The following CPSF7 variants were observed in gnomAD, a reference collection of about 807,000 sequenced individuals.
CPSF7 encodes cleavage and polyadenylation specific factor 7, also known as cleavage and polyadenylation specificity factor subunit 7.
CPSF7 carries 1 observed loss-of-function variant against 44.3 expected under a neutral mutation model. The observed-to-expected ratio is 0.02, with a 90% CI of 0.01 to 0.11. CPSF7 has a LOEUF of 0.11. Ranked by LOEUF, CPSF7 falls within the 10% of genes least tolerant of loss-of-function variation. The probability of loss-of-function intolerance (pLI) is 1.00; values close to 1 mark genes in which losing one functional copy is unlikely to be tolerated. For missense variants in CPSF7, 443 were observed against 607.2 expected (o/e 0.73, Z 2.84); for synonymous variants, 202 against 222.0 (o/e 0.91, Z 0.80).
At chr11:61,417,248 C>T (rs922440510) in intron 5 of CPSF7, among the ~76,000 whole-genome samples, 12 of 152,200 alleles carry the variant, frequency 7.9e-5, no homozygotes, top group African/African-American at 2.4e-4. Flanking sequence ...CTGGGGAACT[C>T]CCGCTACATT....
In CPSF7 at chr11:61,421,605, G is replaced by C; in HGVS notation, c.58C>G (p.Pro20Ala). ...ATCTGATCTGTATTGTTGAACTCTG[G>C]GTCCTAAGAGATGAGGGGTTGGCAA... Reference protein sequence around the residue: ...IYADEEFNQDPEFNNTDQIDL... With the variant: ...IYADEEFNQDAEFNNTDQIDL... Residue 20 changes from proline (P) to alanine (A), a missense_variant, in exon 3 of 10, where the codon CCA becomes GCA. Physicochemically the swap from Pro to Ala is conservative, Grantham distance 27 (BLOSUM62 -1). Coordinates refer to ENST00000439958, the MANE Select transcript of CPSF7 (RefSeq NM_001142565.3). The C allele has an allele frequency of 1.9e-6, 3 of 1,610,178 alleles. No homozygotes were observed. The highest frequency in any genetic ancestry group is 1.7e-6 in the Non-Finnish European group (2 of 1,177,384).
chr11:61,420,545 A>G lies in CPSF7; in HGVS notation c.302T>C (p.Val101Ala), dbSNP rs112581070. The change falls in exon 4 of 10, where the codon GTT becomes GCT. Residue 101 changes from valine to alanine, a missense_variant. Physicochemically the swap from Val to Ala is moderately conservative, Grantham distance 64. Coordinates refer to ENST00000439958, the MANE Select transcript of CPSF7 (RefSeq NM_001142565.3). Reference sequence around the variant, plus strand: ...ATCATAGACTCCTATAGAGCGAATAACCTGGATCAGCTGCTGGTCTGTGGT... The same window carrying G: ...ATCATAGACTCCTATAGAGCGAATAGCCTGGATCAGCTGCTGGTCTGTGGT... ...WWTTDQQLIQ[V>A]IRSIGVYDVV... is the part of the protein sequence containing the mutation. 6.2e-7 allele frequency: 1 copy of G among 1,614,124 alleles called. No individual in the cohort carries two copies. Among genetic ancestry groups the G allele is most frequent in the South Asian group, 1.1e-5 (1 of 91,074 alleles).
intron 9 of CPSF7, among the ~76,000 whole-genome samples, chr11:61,408,379 T>C (rs1299870662): frequency 6.6e-6 from 1 of 152,174 alleles, no homozygotes; most frequent in Non-Finnish European, 1.5e-5. Context: ...AGTGCTGGGA[T>C]TTCAGGTGTG....
rs141272956 is a variant in CPSF7 at position 61,419,955 on chromosome 11, G to A, written c.517C>T (p.Arg173Trp). The A allele has an allele frequency of 6.8e-6, 11 of 1,613,410 alleles. No individual in the cohort carries two copies. The highest frequency in any genetic ancestry group is 9.3e-6 in the Non-Finnish European group (11 of 1,179,876). ...QNLSQFEAQA[R>W]KRIPPRAHSR... is the part of the protein sequence containing the mutation. ...GGGACTCGGACACACTCACGTTTCC[G>A]AGCCTGTGCCTCAAACTGTGACAGG... The change falls in exon 5 of 10, where the codon CGG becomes TGG. Residue 173 changes from arginine to tryptophan, a missense_variant. Coordinates refer to ENST00000439958, the MANE Select transcript of CPSF7 (RefSeq NM_001142565.3).
intron 5 of CPSF7, among the ~76,000 whole-genome samples, chr11:61,417,038 G>A (rs1357973568): frequency 1.3e-5 from 2 of 152,130 alleles, no homozygotes; most frequent in African/African-American, 4.8e-5. Context: ...GGAACTGGAT[G>A]GCACTTCTAT....
At chr11:61,426,649 G>C (rs1257530039) in intron 2 of CPSF7, 1 of 152,226 alleles carries the variant, frequency 6.6e-6, no homozygotes, top group Non-Finnish European at 1.5e-5. Context: ...ACTGGACAAT[G>C]AGTTCTGCGT....
At chr11:61,429,774 G>A (rs1393645597) in intron 1 of CPSF7, 140 bp downstream of exon 1, 20 of 1,546,360 alleles carry the variant, frequency 1.3e-5, no homozygotes, top group African/African-American at 2.8e-5. Context: ...GGCGCGCTCT[G>A]CCTCCTCCCT....
intron 2 of CPSF7, among the ~76,000 whole-genome samples, chr11:61,428,634 C>T (rs1397902716): frequency 3.3e-5 from 5 of 152,172 alleles, no homozygotes; most frequent in Admixed American, 6.5e-5. Flanking sequence ...GTAACCAATA[C>T]AATTTATTAT....
chr11:61,419,888 A>G, intron 5 of CPSF7, 61 bp downstream of exon 5: 1 of 1,579,182 alleles, frequency 6.3e-7, no homozygotes, highest in Middle Eastern at 2.0e-4. Flanking sequence ...AAACCCACAA[A>G]CACCCCCCCC....
intron 1 of CPSF7, chr11:61,429,648 C>G (rs1157958992): frequency 1.6e-6 from 2 of 1,239,280 alleles, no homozygotes; most frequent in African/African-American, 3.0e-5. Flanking sequence ...GCCCCCAAGG[C>G]GGCTCCGGCC....
At chr11:61,415,605 C>T (rs761856642) in intron 7 of CPSF7, 61 bp downstream of exon 7, 2 of 1,130,804 alleles carry the variant, frequency 1.8e-6, no homozygotes, top group Admixed American at 1.8e-5. Flanking sequence ...GTAGAAATGA[C>T]AAAATCAGGA....
chr11:61,429,446 C>T (rs1861729601), intron 1 of CPSF7, 156 bp from the exon 2 acceptor site: 2 of 530,194 alleles, frequency 3.8e-6, no homozygotes, highest in East Asian at 7.0e-5. Context: ...CTCGCGCCGC[C>T]CACCGCTCTC....
intron 9 of CPSF7, among the ~76,000 whole-genome samples, chr11:61,408,057 C>CTTTTTTTTT (rs111594039): frequency 1.2e-4 from 16 of 137,748 alleles, no homozygotes; most frequent in African/African-American, 4.4e-4. Context: ...TCAAGGACAT[C>CTTTTTTTTT]TTTTTTTTTT....
intron 5 of CPSF7, among the ~76,000 whole-genome samples, chr11:61,419,076 G>A (rs1046119332): frequency 6.6e-6 from 1 of 152,088 alleles, no homozygotes; most frequent in African/African-American, 2.4e-5. Flanking sequence ...AGGCTGGAGT[G>A]CAGTGGTCTG....
At chr11:61,426,856 T>A (rs1447192306) in intron 2 of CPSF7, 1 of 151,750 alleles carries the variant, frequency 6.6e-6, no homozygotes, top group Non-Finnish European at 1.5e-5. Context: ...TGAAACCCCG[T>A]CTCTACTAAA....
chr11:61,417,234 CA>C lies in CPSF7; in HGVS notation c.524-716del, dbSNP rs532381557. Among the ~76,000 whole-genome samples, 192 of 152,284 alleles carry C rather than the reference CA, an allele frequency of 1.3e-3. 2 individuals carry two copies. The highest frequency in any genetic ancestry group is 4.3e-3 in the African/African-American group (178 of 41,558). On this transcript the variant is annotated intron_variant, in intron 5 of 9. Coordinates refer to ENST00000439958, the MANE Select transcript of CPSF7 (RefSeq NM_001142565.3). ...AAAAGCTTGCTACAAAACATGTCTC[CA>C]ATCTGGGGAACTCCCGCTACATTTC... is the stretch of plus-strand genomic sequence containing the variant.
At chr11:61,429,630 C>T (rs1861757476) in intron 1 of CPSF7, 4 of 1,082,020 alleles carry the variant, frequency 3.7e-6, no homozygotes, top group Non-Finnish European at 5.3e-6. Flanking sequence ...ATCCGCTGCA[C>T]CTGCCTAGCC....
At chr11:61,429,643 C>A (rs1590756519) in intron 1 of CPSF7, 2 of 1,233,702 alleles carry the variant, frequency 1.6e-6, no homozygotes, top group Middle Eastern at 2.4e-4. Context: ...GCCTAGCCCC[C>A]AAGGCGGCTC....
intron 2 of CPSF7, among the ~76,000 whole-genome samples, chr11:61,424,644 G>T (rs910386706): frequency 6.6e-6 from 1 of 152,140 alleles, no homozygotes; most frequent in African/African-American, 2.4e-5. Context: ...GTAGAGATGG[G>T]GTTTCACCAT....
Sources: gnomAD v4.1 joint callset for allele counts (sites outside exome capture counted in the v4.1 genomes callset) on GRCh38, gnomAD v4.1.1 for gene constraint, MANE v1.5 for transcripts, NCBI Gene and HGNC (gene_info 2026-07-23, HGNC 2026-07-21) for gene names.